The following EXOC6B variants were observed in gnomAD, a reference collection of about 807,000 sequenced individuals.
EXOC6B encodes the protein SEC15 homolog B.
In EXOC6B, 54 loss-of-function variants were observed where a neutral mutation model predicts 113.5. The ratio of observed to expected loss-of-function variants is 0.48; its 90% CI spans 0.38 to 0.60. The LOEUF is 0.60. EXOC6B is among the 20% of genes least tolerant of loss of function. The pLI is 0.00. For missense variants in EXOC6B, 797 were observed against 977.5 expected (o/e 0.82, Z 2.46); for synonymous variants, 357 against 339.0 (o/e 1.05, Z -0.58).
At chr2:72,749,302 T>C (rs1681894994) in intron 1 of EXOC6B, among the ~76,000 whole-genome samples, 1 of 152,110 alleles carries the variant, frequency 6.6e-6, no homozygotes, top group Admixed American at 6.6e-5. Context: ...TCACTGCATG[T>C]AATTCAGTGT....
chr2:72,354,877 T>G (rs1345753771), intron 19 of EXOC6B, among the ~76,000 whole-genome samples: 1 of 152,216 alleles, frequency 6.6e-6, no homozygotes, highest in East Asian at 1.9e-4. Context: ...CTGCCTATTT[T>G]TGATGACAAA....
chr2:72,619,023 G>A (rs1309245471), intron 6 of EXOC6B, among the ~76,000 whole-genome samples: 1 of 152,214 alleles, frequency 6.6e-6, no homozygotes, highest in East Asian at 1.9e-4. Context: ...AACTGGAAGA[G>A]AAGCTTTGTT....
At chr2:72,389,092 G>A (rs1692219482) in intron 18 of EXOC6B, among the ~76,000 whole-genome samples, 2 of 151,950 alleles carry the variant, frequency 1.3e-5, no homozygotes. Flanking sequence ...AATCTATTAT[G>A]TTGATCTTAG....
At chr2:72,469,861 A>G (rs1698286880) in intron 17 of EXOC6B, among the ~76,000 whole-genome samples, 1 of 152,144 alleles carries the variant, frequency 6.6e-6, no homozygotes, top group East Asian at 1.9e-4. Flanking sequence ...AATTTTAATG[A>G]CAATAGATGT....
chr2:72,199,419 G>A (rs930213583), intron 20 of EXOC6B, among the ~76,000 whole-genome samples: 5 of 152,092 alleles, frequency 3.3e-5, no homozygotes, highest in Admixed American at 3.3e-4. Flanking sequence ...GGGAGGATGG[G>A]GAAAGTGAAG....
chr2:72,474,047 AT>A (rs1168972861), intron 17 of EXOC6B, among the ~76,000 whole-genome samples: 36 of 149,268 alleles, frequency 2.4e-4, no homozygotes, highest in South Asian at 2.1e-3. Context: ...TTTGCCCAAC[AT>A]GTTTTTTTTT....
chr2:72,686,625 C>T (rs1003895207), intron 6 of EXOC6B, among the ~76,000 whole-genome samples: 2 of 151,958 alleles, frequency 1.3e-5, no homozygotes, highest in African/African-American at 4.8e-5. Flanking sequence ...CTTTACTTAC[C>T]CCGTCAATAA....
At chr2:72,605,843 GAATT>G (rs1670720925) in intron 6 of EXOC6B, among the ~76,000 whole-genome samples, 1 of 151,810 alleles carries the variant, frequency 6.6e-6, no homozygotes, top group Admixed American at 6.6e-5. Context: ...CTTTGTAACT[GAATT>G]AATTGTATAG....
chr2:72,714,034 C>T (rs971186640), intron 6 of EXOC6B, among the ~76,000 whole-genome samples: 6 of 152,176 alleles, frequency 3.9e-5, no homozygotes, highest in Admixed American at 3.9e-4. Context: ...CTCTCTTTCC[C>T]CTTCTGTGGT....
chr2:72,777,113 T>C (rs918767593), intron 1 of EXOC6B, among the ~76,000 whole-genome samples: 10 of 152,088 alleles, frequency 6.6e-5, no homozygotes, highest in Admixed American at 6.5e-4. Context: ...TGGTGGCACA[T>C]GCCTGTAATC....
At chr2:72,294,153 A>G (rs1304873166) in intron 20 of EXOC6B, among the ~76,000 whole-genome samples, 1 of 152,142 alleles carries the variant, frequency 6.6e-6, no homozygotes, top group Admixed American at 6.5e-5. Flanking sequence ...AACTTGAACA[A>G]CAGATATAAA....
At chr2:72,494,723 C>T (rs2105558089) in intron 15 of EXOC6B, among the ~76,000 whole-genome samples, 1 of 152,196 alleles carries the variant, frequency 6.6e-6, no homozygotes, top group South Asian at 2.1e-4. Context: ...GTATGTTGCT[C>T]CAGCACTTAT....
chr2:72,513,912 C>G (rs1047422095), intron 10 of EXOC6B, among the ~76,000 whole-genome samples: 1 of 151,952 alleles, frequency 6.6e-6, no homozygotes, highest in Non-Finnish European at 1.5e-5. Context: ...TTAATAACTA[C>G]TAATTACATT....
At chr2:72,329,388 A>C (rs1688309891) in intron 20 of EXOC6B, among the ~76,000 whole-genome samples, 1 of 152,066 alleles carries the variant, frequency 6.6e-6, no homozygotes, top group Non-Finnish European at 1.5e-5. Context: ...CCCACCTCCT[A>C]TGAAGCCTCC....
rs549948081 is a variant in EXOC6B at position 72,434,836 on chromosome 2, T to C, written c.1980+30324A>G. Among the ~76,000 whole-genome samples, 9 of 152,330 alleles carry C rather than the reference T, an allele frequency of 5.9e-5. 1 individual carries two copies. The South Asian group carries it at 1.2e-3, about 21-fold the overall frequency. ...TCTGGCTAGCAGTTTATCTATTTTG[T>C]TAATCTTTTCAAAAAACCAGCTCTT... On this transcript the variant is annotated intron_variant, in intron 18 of 21. Transcript: ENST00000272427.
At chr2:72,719,201 AG>A (rs1679836079) in intron 5 of EXOC6B, among the ~76,000 whole-genome samples, 1 of 152,152 alleles carries the variant, frequency 6.6e-6, no homozygotes, top group African/African-American at 2.4e-5. Flanking sequence ...TCCTGAGATG[AG>A]GGGCTGACAC....
intron 20 of EXOC6B, among the ~76,000 whole-genome samples, chr2:72,305,387 T>C (rs1686791575): frequency 6.6e-6 from 1 of 152,094 alleles, no homozygotes; most frequent in Non-Finnish European, 1.5e-5. Flanking sequence ...TGTATATGAA[T>C]GAGATTTTGG....
intron 6 of EXOC6B, among the ~76,000 whole-genome samples, chr2:72,641,964 A>C (rs899877494): frequency 6.6e-6 from 1 of 152,264 alleles, no homozygotes; most frequent in Non-Finnish European, 1.5e-5. Flanking sequence ...GTGGACCTCC[A>C]GCAAACTCTA....
rs1224800599 is a variant in EXOC6B at position 72,368,682 on chromosome 2, C to T, written c.2122+11047G>A. Among the ~76,000 whole-genome samples the T allele has an allele frequency of 3.3e-5, 5 of 152,214 alleles. No individual in the cohort carries two copies. The East Asian group carries it at 7.7e-4, about 23-fold the overall frequency. On this transcript the variant is annotated intron_variant, in intron 19 of 21. Transcript: ENST00000272427. The stretch of plus-strand genomic sequence containing the variant: ...TTATCTACCACAATCAAGTGGGCTT[C>T]ATCCCTGGGATGCAAGGCTGGTCCA...
Sources: allele counts gnomAD v4.1 joint callset (sites outside exome capture counted in the v4.1 genomes callset), GRCh38; gene constraint gnomAD v4.1.1; transcripts MANE v1.5; gene names NCBI Gene and HGNC (gene_info 2026-07-23, HGNC 2026-07-21).